The following SAMD4A variants were observed in gnomAD, a reference collection of about 807,000 sequenced individuals.
SAMD4A encodes protein Smaug homolog 1.
Under a neutral mutation model 81.3 loss-of-function variants are expected in SAMD4A, and 33 were observed. That is an observed-to-expected ratio of 0.41 (90% CI 0.31 to 0.54). The LOEUF (loss-of-function observed/expected upper bound fraction) is 0.54, where lower values mean the gene tolerates loss of function less well. Among genes scored for constraint, SAMD4A ranks in the 20% least tolerant of loss-of-function variants. SAMD4A has a pLI of 0.37. For synonymous variants in SAMD4A, 389 were observed against 382.1 expected, an observed-to-expected ratio of 1.02 and a Z score of -0.21; for missense variants, 854 against 951.1, an observed-to-expected ratio of 0.90 and a Z score of 1.34.
chr14:54,639,371 GT>G (rs2035112902), intron 2 of SAMD4A, among the ~76,000 whole-genome samples: 1 of 152,188 alleles, frequency 6.6e-6, no homozygotes, highest in Non-Finnish European at 1.5e-5. Flanking sequence ...CAGCGTCTCT[GT>G]TTCTTGCATG....
At chr14:54,579,134 C>G (rs1594687609) in intron 2 of SAMD4A, among the ~76,000 whole-genome samples, 1 of 152,190 alleles carries the variant, frequency 6.6e-6, no homozygotes, top group Admixed American at 6.5e-5. Context: ...ACTGTGCAGA[C>G]AGCAACATAC....
intron 2 of SAMD4A, among the ~76,000 whole-genome samples, chr14:54,690,289 G>A (rs2036398622): frequency 6.6e-6 from 1 of 152,118 alleles, no homozygotes; most frequent in Admixed American, 6.5e-5. Context: ...ATGATGATAG[G>A]AGCAGGAGGG....
At chr14:54,575,227 G>A (rs75553490) in intron 2 of SAMD4A, among the ~76,000 whole-genome samples, 7 of 152,256 alleles carry the variant, frequency 4.6e-5, no homozygotes, top group African/African-American at 1.4e-4. Flanking sequence ...GACATTGGTC[G>A]ACAAAGCTAT....
intron 2 of SAMD4A, among the ~76,000 whole-genome samples, chr14:54,686,939 G>C (rs1425425002): frequency 6.6e-6 from 1 of 152,190 alleles, no homozygotes; most frequent in African/African-American, 2.4e-5. Flanking sequence ...CCCATCAGTT[G>C]TTTGATAAAT....
At position 54,597,104 on chromosome 14, in the gene SAMD4A, C is replaced by CT. The variant is rs112337566; in HGVS notation, c.196+29007dup. On this transcript the variant is annotated intron_variant, in intron 2 of 12. Coordinates refer to ENST00000554335, the MANE Select transcript of SAMD4A (RefSeq NM_015589.6). Reference sequence around the variant, plus strand: ...GAGTGACACCTCAAAATCTGAGTTTCTTTTTTTTTTTTTTTGAAAAATGGA... The same window carrying CT: ...GAGTGACACCTCAAAATCTGAGTTTCTTTTTTTTTTTTTTTTGAAAAATGGA... 7.0e-3 allele frequency among the ~76,000 whole-genome samples: 952 copies of CT among 136,386 alleles called. 5 individuals carry two copies. The highest frequency in any genetic ancestry group is 0.017 in the African/African-American group (646 of 37,498). 89.5% of individuals were successfully genotyped at this position (136,386 alleles called of 152,430 possible).
chr14:54,581,310 C>A (rs2033458774), intron 2 of SAMD4A, among the ~76,000 whole-genome samples: 1 of 152,214 alleles, frequency 6.6e-6, no homozygotes. Flanking sequence ...TTAAAAGGTT[C>A]AGGAAAAGAT....
chr14:54,598,132 GATAA>G (rs1255182825), intron 2 of SAMD4A, among the ~76,000 whole-genome samples: 1 of 152,158 alleles, frequency 6.6e-6, no homozygotes, highest in African/African-American at 2.4e-5. Flanking sequence ...GTTTTACATA[GATAA>G]ATAATGTGAA....
chr14:54,753,750 G>A (rs1043709256), intron 6 of SAMD4A, among the ~76,000 whole-genome samples: 1 of 152,018 alleles, frequency 6.6e-6, no homozygotes, highest in Non-Finnish European at 1.5e-5. Context: ...GGCTTCTCAC[G>A]TGCACATCCG....
chr14:54,625,494 A>G (rs2034722956), intron 2 of SAMD4A, among the ~76,000 whole-genome samples: 1 of 152,260 alleles, frequency 6.6e-6, no homozygotes, highest in Non-Finnish European at 1.5e-5. Context: ...AGAACCTGGC[A>G]AAGCCATTTT....
chr14:54,628,620 A>C (rs1404303068), intron 2 of SAMD4A, among the ~76,000 whole-genome samples: 3 of 152,164 alleles, frequency 2.0e-5, no homozygotes. Flanking sequence ...ACAATTGCTC[A>C]TGTTGATTGA....
At chr14:54,767,281 G>T (rs561048400) in intron 8 of SAMD4A, among the ~76,000 whole-genome samples, 1 of 152,154 alleles carries the variant, frequency 6.6e-6, no homozygotes, top group East Asian at 1.9e-4. Context: ...GAGACAGGAC[G>T]CCCCTTCATA....
intron 3 of SAMD4A, among the ~76,000 whole-genome samples, chr14:54,736,465 A>G (rs74049631): frequency 0.084 from 12,758 of 152,188 alleles, 1,306 homozygotes; most frequent in African/African-American, 0.24. Flanking sequence ...TTGCTGAGCC[A>G]TACCACCCTG....
At chr14:54,590,533 G>T (rs1040595963) in intron 2 of SAMD4A, among the ~76,000 whole-genome samples, 1 of 152,132 alleles carries the variant, frequency 6.6e-6, no homozygotes, top group African/African-American at 2.4e-5. Flanking sequence ...GGTTATAAAA[G>T]GTGGGAAGAT....
At chr14:54,705,151 A>C (rs1172114197) in intron 3 of SAMD4A, among the ~76,000 whole-genome samples, 1 of 151,350 alleles carries the variant, frequency 6.6e-6, no homozygotes, top group Non-Finnish European at 1.5e-5. Flanking sequence ...GCCTGGTTGC[A>C]GCAGCAACAG....
At chr14:54,769,767 A>G (rs989518633) in intron 8 of SAMD4A, among the ~76,000 whole-genome samples, 3 of 152,198 alleles carry the variant, frequency 2.0e-5, no homozygotes, top group Admixed American at 2.0e-4. Context: ...GTATTCAACA[A>G]TCAATTTTGC....
chr14:54,779,678 CT>C (rs11306028), intron 11 of SAMD4A, among the ~76,000 whole-genome samples: 62,074 of 139,264 alleles, frequency 0.45, 13,966 homozygotes, highest in East Asian at 0.59. Context: ...CATGGACAAG[CT>C]TTTTTTTTTT....
chr14:54,580,522 C>T (rs937073044), intron 2 of SAMD4A, among the ~76,000 whole-genome samples: 1 of 152,200 alleles, frequency 6.6e-6, no homozygotes, highest in Non-Finnish European at 1.5e-5. Flanking sequence ...GCCCTAAACC[C>T]TAGTGGAGCA....
intron 7 of SAMD4A, among the ~76,000 whole-genome samples, chr14:54,760,840 C>G (rs139594087): frequency 3.5e-4 from 53 of 152,296 alleles, no homozygotes; most frequent in Admixed American, 9.1e-4. Context: ...TGGGAACAAA[C>G]CGTTCACTCA....
chr14:54,784,358 G>A (rs780582903), intron 11 of SAMD4A, 179 bp from the exon 12 acceptor site: 3 of 1,558,008 alleles, frequency 1.9e-6, no homozygotes, highest in Admixed American at 1.9e-5. Context: ...GTTCACAGTG[G>A]ACTGTGTTTA....
Sources: allele counts gnomAD v4.1 joint callset (sites outside exome capture counted in the v4.1 genomes callset), GRCh38; gene constraint gnomAD v4.1.1; transcripts MANE v1.5; gene names NCBI Gene and HGNC (gene_info 2026-07-23, HGNC 2026-07-21).